The following PLEKHA6 variants were observed in gnomAD, a reference collection of about 807,000 sequenced individuals.
The protein encoded by PLEKHA6 is pleckstrin homology domain-containing family A member 6.
In PLEKHA6, 60 loss-of-function variants were observed where a neutral mutation model predicts 116.7. The observed-to-expected ratio is 0.51, with a 90% CI of 0.42 to 0.64. The LOEUF (loss-of-function observed/expected upper bound fraction) is 0.64, where lower values mean the gene tolerates loss of function less well. Among genes scored for constraint, PLEKHA6 ranks in the 30% least tolerant of loss-of-function variants. The pLI is 0.00. For synonymous variants in PLEKHA6, 489 were observed against 556.1 expected (o/e 0.88, Z 1.70); for missense variants, 1,338 against 1,422.7 (o/e 0.94, Z 0.96).
intron 12 of PLEKHA6, among the ~76,000 whole-genome samples, chr1:204,248,609 T>C (rs1664106536): frequency 6.6e-6 from 1 of 152,254 alleles, no homozygotes; most frequent in Non-Finnish European, 1.5e-5. Context: ...AATAAGCTCA[T>C]TTCCTCGGTG....
chr1:204,326,120 G>T (rs903810358), intron 1 of PLEKHA6, among the ~76,000 whole-genome samples: 37 of 152,188 alleles, frequency 2.4e-4, no homozygotes, highest in African/African-American at 8.0e-4. Flanking sequence ...CACGTGTCCA[G>T]TCCTGCTGTG....
At chr1:204,333,977 G>T (rs1672549584) in intron 1 of PLEKHA6, among the ~76,000 whole-genome samples, 1 of 152,232 alleles carries the variant, frequency 6.6e-6, no homozygotes, top group African/African-American at 2.4e-5. Context: ...GAGGTTGGGA[G>T]CTCTGAGGAG....
chr1:204,241,750 C>G lies in PLEKHA6; in HGVS notation c.2237G>C (p.Arg746Thr). ...PHQTLPLDTPRDISLVPTRQE... is the reference protein window; with the variant it reads ...PHQTLPLDTPTDISLVPTRQE... Reference sequence around the variant, plus strand: ...CCTGGTGGGCACAAGGCTGATGTCTCTGGGGGTGTCCAGGGGCAATGTCTG... The same window carrying G: ...CCTGGTGGGCACAAGGCTGATGTCTGTGGGGGTGTCCAGGGGCAATGTCTG... Residue 746 changes from arginine (R) to threonine (T), a missense_variant, in exon 16 of 23, where the codon AGA becomes ACA. Arg to Thr is a moderately conservative substitution (Grantham distance 71). Around this residue, in one of 3 missense-constraint regions of PLEKHA6, gnomAD observed 1,136 missense variants for 1,163.6 expected, o/e 0.98. Coordinates refer to ENST00000272203, the MANE Select transcript of PLEKHA6 (RefSeq NM_014935.5). 1 of 1,614,030 alleles carries G rather than the reference C, an allele frequency of 6.2e-7. No homozygotes were observed. The highest frequency in any genetic ancestry group is 8.5e-7 in the Non-Finnish European group (1 of 1,179,952).
At chr1:204,231,594 G>T (rs1429475880) in intron 17 of PLEKHA6, among the ~76,000 whole-genome samples, 1 of 149,018 alleles carries the variant, frequency 6.7e-6, no homozygotes, top group Non-Finnish European at 1.5e-5. Context: ...CTGAGATGGG[G>T]TCTTGCTCTG....
At chr1:204,292,264 T>C (rs1008669960) in intron 1 of PLEKHA6, among the ~76,000 whole-genome samples, 18 of 152,238 alleles carry the variant, frequency 1.2e-4, no homozygotes, top group Non-Finnish European at 5.9e-5. Flanking sequence ...GGTTCTTTTA[T>C]GGTCTTATGA....
intron 1 of PLEKHA6, among the ~76,000 whole-genome samples, chr1:204,351,746 A>T (rs1055350083): frequency 6.6e-6 from 1 of 152,180 alleles, no homozygotes; most frequent in African/African-American, 2.4e-5. Flanking sequence ...CAGCAGAGAC[A>T]GGGTGAGGCT....
At chr1:204,357,825 T>C (rs368911946) in intron 1 of PLEKHA6, among the ~76,000 whole-genome samples, 2 of 152,338 alleles carry the variant, frequency 1.3e-5, no homozygotes, top group African/African-American at 4.8e-5. Context: ...GAGAGCTCGC[T>C]CTATGAGCCC....
At chr1:204,231,710 G>A (rs1174241580) in intron 17 of PLEKHA6, among the ~76,000 whole-genome samples, 1 of 151,836 alleles carries the variant, frequency 6.6e-6, no homozygotes, top group Non-Finnish European at 1.5e-5. Context: ...TGGGACTACA[G>A]ACACATGCCA....
chr1:204,312,300 T>C (rs577421559), intron 1 of PLEKHA6, among the ~76,000 whole-genome samples: 1 of 152,340 alleles, frequency 6.6e-6, no homozygotes, highest in East Asian at 1.9e-4. Context: ...ATGGGAGAGA[T>C]AAACGGCACA....
rs372514758 is a variant in PLEKHA6 at position 204,257,699 on chromosome 1, C to T, written c.1178G>A (p.Arg393His). Residue 393 changes from arginine (R) to histidine (H), a missense_variant, in exon 9 of 23, where the codon CGC (arginine) becomes CAC (histidine). Transcript: ENST00000272203. This position sits in a 1 kb window ranked among gnomAD's most constrained non-coding sequence, Gnocchi z 6.5. ...ISPPWALEDK[R>H]HAFRNGGGPA... ...GCCACCCCCATTGCGGAAGGCATGGCGCTTGTCCTCCAGGGCCCAGGGCGG... is the reference window on the plus strand; with the variant it reads ...GCCACCCCCATTGCGGAAGGCATGGTGCTTGTCCTCCAGGGCCCAGGGCGG... The T allele has an allele frequency of 1.7e-5, 28 of 1,611,726 alleles. No homozygotes were observed. The Admixed American group carries it at 3.9e-4, about 22-fold the overall frequency.
In PLEKHA6 at chr1:204,259,476, C is replaced by T; in HGVS notation, c.789G>A (p.Gly263=). 6.2e-7 allele frequency: 1 copy of T among 1,614,202 alleles called. No homozygotes were observed. The highest frequency in any genetic ancestry group is 8.5e-7 in the Non-Finnish European group (1 of 1,180,032). Residue 263 remains glycine (G), a synonymous_variant, in exon 8 of 23, where the codon GGG becomes GGA. Transcript: ENST00000272203. This position sits in a 1 kb window ranked among gnomAD's most constrained non-coding sequence, Gnocchi z 4.6. ...YPEGPRVPGG[G]EQPAQPNGWQ... Reference sequence around the variant, plus strand: ...AGCCATTGGGCTGGGCAGGCTGTTCCCCACCCCCTGGCACTCTTGGGCCCT... The same window carrying T: ...AGCCATTGGGCTGGGCAGGCTGTTCTCCACCCCCTGGCACTCTTGGGCCCT...
intron 9 of PLEKHA6, chr1:204,251,549 C>T: frequency 1.4e-6 from 1 of 702,858 alleles, no homozygotes; most frequent in South Asian, 1.5e-5. Flanking sequence ...AGAGTTGGGA[C>T]CTGGGGGAGG....
rs774866824 is a variant in PLEKHA6 at position 204,230,429 on chromosome 1, C to T, written c.2567G>A (p.Arg856Gln). The change falls in exon 18 of 23, where the codon CGG (arginine) becomes CAG (glutamine). Residue 856 changes from arginine (R) to glutamine (Q), a missense_variant. Physicochemically the swap from Arg to Gln is conservative, Grantham distance 43. Around this residue, in one of 3 missense-constraint regions of PLEKHA6, gnomAD observed 1,136 missense variants for 1,163.6 expected, o/e 0.98. Coordinates refer to ENST00000272203, the MANE Select transcript of PLEKHA6 (RefSeq NM_014935.5). ...AGGCATTACCACTTTGTAGGCTGGC[C>T]GGGGACTGGGGTCGGGGGCCGGGCT... ...PASPAPDPSP[R>Q]PAYKVVRRHR... 8 of 1,581,812 alleles carry T rather than the reference C, an allele frequency of 5.1e-6. No individual in the cohort carries two copies. Among genetic ancestry groups the T allele is most frequent in the East Asian group, 2.3e-5 (1 of 43,908 alleles).
chr1:204,341,769 ACATAAAAC>A (rs771212997), intron 1 of PLEKHA6, among the ~76,000 whole-genome samples: 1 of 152,248 alleles, frequency 6.6e-6, no homozygotes, highest in Non-Finnish European at 1.5e-5. Flanking sequence ...TAGATCAGAA[ACATAAAAC>A]CAAACATTTA....
At chr1:204,256,856 A>G (rs1020519776) in intron 9 of PLEKHA6, 1 of 668,526 alleles carries the variant, frequency 1.5e-6, no homozygotes, top group Non-Finnish European at 2.7e-6. Context: ...ACAGTCCTGC[A>G]GGGACTGGCC....
chr1:204,253,899 C>T (rs1288620960), intron 9 of PLEKHA6, among the ~76,000 whole-genome samples: 8 of 152,068 alleles, frequency 5.3e-5, no homozygotes, highest in Admixed American at 6.5e-5. Context: ...ACCCTTTATC[C>T]ATGAGGGAGT....
Position 204,259,693 on chromosome 1 carries a change from T to C in PLEKHA6, c.572A>G (p.Gln191Arg). ...SENVPPSKHH[Q>R]QPPHNSLPKP... Reference sequence around the variant, plus strand: ...AGGGAGGCTGTTGTGGGGTGGCTGCTGGTGGTGCTTGCTGGGTGGGACGTT... The same window carrying C: ...AGGGAGGCTGTTGTGGGGTGGCTGCCGGTGGTGCTTGCTGGGTGGGACGTT... The change falls in exon 8 of 23, where the codon CAG (glutamine) becomes CGG (arginine). Residue 191 changes from glutamine (Q) to arginine (R), a missense_variant. Transcript: ENST00000272203. This position sits in a 1 kb window ranked among gnomAD's most constrained non-coding sequence, Gnocchi z 4.6. 6.2e-7 allele frequency: 1 copy of C among 1,613,808 alleles called. No individual in the cohort carries two copies. The highest frequency in any genetic ancestry group is 8.5e-7 in the Non-Finnish European group (1 of 1,179,816).
At chr1:204,337,519 GACA>G (rs1326823631) in intron 1 of PLEKHA6, among the ~76,000 whole-genome samples, 2 of 152,174 alleles carry the variant, frequency 1.3e-5, no homozygotes, top group African/African-American at 4.8e-5. Flanking sequence ...GAGTAGTGAA[GACA>G]ACAAGTGAGC....
At chr1:204,305,600 T>C (rs920752333) in intron 1 of PLEKHA6, among the ~76,000 whole-genome samples, 3 of 152,136 alleles carry the variant, frequency 2.0e-5, no homozygotes, top group African/African-American at 7.2e-5. Flanking sequence ...AGTGTGGGTA[T>C]GAAAGCACAC....
Sources: gnomAD v4.1 joint callset for allele counts (sites outside exome capture counted in the v4.1 genomes callset) on GRCh38, gnomAD v4.1.1 for gene constraint, gnomAD v4.1.1 regional missense constraint, Gnocchi (gnomAD v3.1) non-coding constraint, MANE v1.5 for transcripts, NCBI Gene and HGNC (gene_info 2026-07-23, HGNC 2026-07-21) for gene names.